ERO1A: variants seen among roughly 807,000 people sequenced by gnomAD.
ERO1A encodes the protein endoplasmic reticulum oxidoreductase 1 alpha.
Under a neutral mutation model 76.9 loss-of-function variants are expected in ERO1A, and 49 were observed. The ratio of observed to expected loss-of-function variants is 0.64; its 90% confidence interval spans 0.51 to 0.81. The LOEUF (loss-of-function observed/expected upper bound fraction) is 0.81, where lower values mean the gene tolerates loss of function less well. ERO1A is among the 30% of genes least tolerant of loss of function. The pLI is 0.00. For missense variants in ERO1A, 448 were observed against 542.1 expected (o/e 0.83, Z 1.72); for synonymous variants, 174 against 181.2 (o/e 0.96, Z 0.32).
Position 52,661,292 on chromosome 14 carries a change from C to G in ERO1A, c.688+1G>C. The stretch of plus-strand genomic sequence containing the variant: ...TGTAATATATAATAAATTATACTTA[C>G]CTTCACTTGTCCCTGAAAAGCAAAA... On this transcript the variant is annotated splice_donor_variant, in intron 9 of 15. Coordinates refer to ENST00000395686, the MANE Select transcript of ERO1A (RefSeq NM_014584.3). LOFTEE classifies it high-confidence loss of function. 7.7e-7 allele frequency: 1 copy of G among 1,304,448 alleles called. No individual in the cohort carries two copies. 80.8% of individuals were successfully genotyped at this position (1,304,448 alleles called of 1,614,324 possible). A position where few individuals can be genotyped will look rare whatever the true frequency, so the allele number is the denominator to read the frequency against.
At chr14:52,664,849 G>C (rs570461144) in intron 7 of ERO1A, among the ~76,000 whole-genome samples, 3 of 151,944 alleles carry the variant, frequency 2.0e-5, no homozygotes, top group African/African-American at 7.3e-5. Flanking sequence ...CCACCACTAC[G>C]CCCGGCTAAT....
At chr14:52,657,146 C>T (rs774935809) in intron 11 of ERO1A, among the ~76,000 whole-genome samples, 2 of 152,202 alleles carry the variant, frequency 1.3e-5, no homozygotes, top group Non-Finnish European at 2.9e-5. Flanking sequence ...GAAGTTACTA[C>T]CCTTTTCCTA....
intron 8 of ERO1A, among the ~76,000 whole-genome samples, chr14:52,662,974 C>T (rs181852797): frequency 6.6e-6 from 1 of 152,244 alleles, no homozygotes; most frequent in Admixed American, 6.5e-5. Flanking sequence ...AAAACAAACG[C>T]ATGCATCAGA....
chr14:52,658,715 T>C (rs931924843), intron 9 of ERO1A, among the ~76,000 whole-genome samples: 2 of 152,188 alleles, frequency 1.3e-5, no homozygotes, highest in Non-Finnish European at 1.5e-5. Context: ...CTAGTAATTC[T>C]ACAAATACGA....
chr14:52,666,768 T>C (rs1352874279), intron 6 of ERO1A, among the ~76,000 whole-genome samples: 1 of 152,072 alleles, frequency 6.6e-6, no homozygotes, highest in African/African-American at 2.4e-5. Context: ...CTGTCTCTAC[T>C]AAAAATACAA....
chr14:52,663,882 A>G, intron 7 of ERO1A, 35 bp from the exon 8 acceptor site: 1 of 1,182,718 alleles, frequency 8.5e-7, no homozygotes, highest in Non-Finnish European at 1.2e-6. Context: ...ATCAACACAA[A>G]TATGTTACCA....
At chr14:52,670,530 C>T (rs2040564188) in intron 6 of ERO1A, among the ~76,000 whole-genome samples, 1 of 152,150 alleles carries the variant, frequency 6.6e-6, no homozygotes. Context: ...CAGGCATGAA[C>T]CACTGTGCCA....
At chr14:52,689,176 A>G (rs986169541) in intron 1 of ERO1A, among the ~76,000 whole-genome samples, 2 of 151,390 alleles carry the variant, frequency 1.3e-5, no homozygotes, top group Admixed American at 6.6e-5. Context: ...CTGGTCTCAA[A>G]CTCCTGACCT....
chr14:52,652,856 G>A (rs575309121), intron 12 of ERO1A, among the ~76,000 whole-genome samples: 2 of 151,918 alleles, frequency 1.3e-5, no homozygotes, highest in African/African-American at 4.8e-5. Flanking sequence ...AAATTAGCCC[G>A]GTGTGGTGGT....
At chr14:52,655,066 C>A (rs1466044178) in intron 11 of ERO1A, among the ~76,000 whole-genome samples, 1 of 152,088 alleles carries the variant, frequency 6.6e-6, no homozygotes, top group East Asian at 1.9e-4. Context: ...AAAGGAAAAT[C>A]TTATTAAATT....
intron 1 of ERO1A, among the ~76,000 whole-genome samples, chr14:52,692,801 T>C (rs552259671): frequency 2.6e-5 from 4 of 152,112 alleles, no homozygotes; most frequent in African/African-American, 9.6e-5. Flanking sequence ...TCCCCTTTTC[T>C]TTCTCCATTT....
chr14:52,684,091 G>A (rs1430306110), intron 1 of ERO1A, among the ~76,000 whole-genome samples, 184 bp from the exon 2 acceptor site: 2 of 150,182 alleles, frequency 1.3e-5, no homozygotes, highest in Non-Finnish European at 1.5e-5. Flanking sequence ...GCTATATACC[G>A]AGGAATGGAA....
chr14:52,656,332 T>A (rs1420094582), intron 11 of ERO1A, among the ~76,000 whole-genome samples: 1 of 151,974 alleles, frequency 6.6e-6, no homozygotes, highest in Non-Finnish European at 1.5e-5. Flanking sequence ...TTTTTAAAGA[T>A]GAAAAAAAAT....
chr14:52,642,834 A>G lies in ERO1A; in HGVS notation c.*736T>C, dbSNP rs1190799934. The G allele has an allele frequency of 6.6e-6, 1 of 152,620 alleles. No homozygotes were observed. The highest frequency in any genetic ancestry group is 1.5e-5 in the Non-Finnish European group (1 of 68,024). The allele number at this position is 152,620 out of a possible 1,614,324, so 9.5% of individuals were successfully genotyped here. A position where few individuals can be genotyped will look rare whatever the true frequency, so the allele number is the denominator to read the frequency against. ...TGAGAATAAATATATAATCTATTCAACTTTTCACAATGTTTAGAAATCTCC... is the reference window on the plus strand; with the variant it reads ...TGAGAATAAATATATAATCTATTCAGCTTTTCACAATGTTTAGAAATCTCC... On this transcript the variant is annotated 3_prime_UTR_variant, in exon 16 of 16. Transcript: ENST00000395686.
In ERO1A at chr14:52,661,149, G is replaced by C. The variant is rs573884965; in HGVS notation, c.688+144C>G. 19 of 358,782 alleles carry C rather than the reference G, an allele frequency of 5.3e-5. 1 individual carries two copies. In the South Asian group the frequency reaches 1.8e-3, roughly 34 times the overall value. 22.2% of individuals were successfully genotyped at this position (358,782 alleles called of 1,614,324 possible). The stretch of plus-strand genomic sequence containing the variant: ...AGTCACTTTCCCTTAATCTGTGCTA[G>C]TACCTCCAGACTTTCAGATAAATAA... On this transcript the variant is annotated intron_variant, in intron 9 of 15. Coordinates refer to ENST00000395686, the MANE Select transcript of ERO1A (RefSeq NM_014584.3).
At chr14:52,689,112 T>A (rs1342621815) in intron 1 of ERO1A, among the ~76,000 whole-genome samples, 1 of 152,068 alleles carries the variant, frequency 6.6e-6, no homozygotes, top group African/African-American at 2.4e-5. Flanking sequence ...CCTGCCACCA[T>A]GCCCGGCTAA....
At chr14:52,658,398 C>T (rs1229095927) in intron 9 of ERO1A, 10 of 384,964 alleles carry the variant, frequency 2.6e-5, no homozygotes, top group East Asian at 1.0e-4. Context: ...AGTCTCATAA[C>T]GTTCTGGTTA....
At chr14:52,678,526 C>T in intron 3 of ERO1A, 54 bp from the exon 4 acceptor site, 2 of 1,433,038 alleles carry the variant, frequency 1.4e-6, no homozygotes, top group South Asian at 1.2e-5. Flanking sequence ...CTTCTTAAAA[C>T]ATATCTTAAA....
intron 1 of ERO1A, among the ~76,000 whole-genome samples, chr14:52,692,829 A>G (rs2041398778): frequency 6.7e-6 from 1 of 150,260 alleles, no homozygotes; most frequent in Admixed American, 6.6e-5. Flanking sequence ...TTTCCCTCTC[A>G]TGCTGTTTCT....
Sources: gnomAD v4.1 joint callset for allele counts (sites outside exome capture counted in the v4.1 genomes callset) on GRCh38, gnomAD v4.1.1 for gene constraint, MANE v1.5 for transcripts, NCBI Gene and HGNC (gene_info 2026-07-23, HGNC 2026-07-21) for gene names.